The following LRFN2 variants were observed in gnomAD, a reference collection of about 807,000 sequenced individuals.
LRFN2 encodes leucine rich repeat and fibronectin type III domain containing 2.
In LRFN2, 18 loss-of-function variants were observed where a neutral mutation model predicts 37.3. The observed-to-expected ratio is 0.48, with a 90% CI of 0.33 to 0.72. The LOEUF is 0.72. LRFN2 is among the 30% of genes least tolerant of loss of function. The pLI is 0.02. For missense variants in LRFN2, 1,006 were observed against 1,060.7 expected (o/e 0.95, Z 0.72); for synonymous variants, 556 against 466.6 (o/e 1.19, Z -2.47).
intron 1 of LRFN2, among the ~76,000 whole-genome samples, chr6:40,436,493 GT>G (rs11326625): frequency 0.19 from 28,891 of 148,700 alleles, 3,582 homozygotes; most frequent in African/African-American, 0.36. Flanking sequence ...TAGGATATGT[GT>G]TTTTTTTTTT....
intron 1 of LRFN2, among the ~76,000 whole-genome samples, chr6:40,498,144 C>T (rs1334179134): frequency 6.6e-6 from 1 of 152,112 alleles, no homozygotes; most frequent in East Asian, 1.9e-4. Context: ...CACCGAAAGG[C>T]TCTGTCACTG....
intron 1 of LRFN2, among the ~76,000 whole-genome samples, chr6:40,580,934 T>C (rs1767386031): frequency 6.6e-6 from 1 of 152,068 alleles, no homozygotes; most frequent in Non-Finnish European, 1.5e-5. Flanking sequence ...TGTATGTGTG[T>C]ATAAGTATAT....
intron 1 of LRFN2, among the ~76,000 whole-genome samples, chr6:40,511,069 G>T (rs940732688): frequency 1.8e-4 from 27 of 152,130 alleles, no homozygotes; most frequent in African/African-American, 5.3e-4. Context: ...GCCAAAGGGA[G>T]CCTGGGGCAG....
intron 1 of LRFN2, among the ~76,000 whole-genome samples, chr6:40,506,362 G>C (rs1765538070): frequency 1.3e-5 from 2 of 152,172 alleles, no homozygotes; most frequent in South Asian, 2.1e-4. Context: ...GTTCTGACCA[G>C]AATGAATCTG....
chr6:40,543,410 C>A (rs566267027), intron 1 of LRFN2, among the ~76,000 whole-genome samples: 1 of 152,306 alleles, frequency 6.6e-6, no homozygotes, highest in South Asian at 2.1e-4. Flanking sequence ...ACATTCAATT[C>A]CTGGTCTGTG....
At chr6:40,479,528 C>A (rs192708119) in intron 1 of LRFN2, among the ~76,000 whole-genome samples, 32 of 152,364 alleles carry the variant, frequency 2.1e-4, no homozygotes, top group African/African-American at 6.7e-4. Flanking sequence ...TCTAAGATCC[C>A]TTCTGGGTCT....
chr6:40,506,350 G>A (rs1262900245), intron 1 of LRFN2, among the ~76,000 whole-genome samples: 1 of 152,172 alleles, frequency 6.6e-6, no homozygotes, highest in Non-Finnish European at 1.5e-5. Context: ...ACTGAAAGCA[G>A]AGTTCTGACC....
At chr6:40,552,121 C>T (rs952637891) in intron 1 of LRFN2, among the ~76,000 whole-genome samples, 9 of 152,196 alleles carry the variant, frequency 5.9e-5, no homozygotes, top group African/African-American at 2.2e-4. Context: ...GTGTGGTCTT[C>T]AATCTGCAGC....
chr6:40,560,796 T>C (rs974761702), intron 1 of LRFN2, among the ~76,000 whole-genome samples: 1 of 152,212 alleles, frequency 6.6e-6, no homozygotes, highest in African/African-American at 2.4e-5. Context: ...ATACAAGTGT[T>C]GGTTATTTGT....
intron 1 of LRFN2, among the ~76,000 whole-genome samples, chr6:40,475,652 C>A (rs991898338): frequency 3.3e-5 from 5 of 152,158 alleles, no homozygotes; most frequent in African/African-American, 1.2e-4. Context: ...AAACTAAGCT[C>A]TTCTCACAGC....
intron 1 of LRFN2, among the ~76,000 whole-genome samples, chr6:40,447,396 T>C (rs2113839178): frequency 6.6e-6 from 1 of 152,262 alleles, no homozygotes; most frequent in South Asian, 2.1e-4. Flanking sequence ...CTCTCTTCTT[T>C]CCCCAAATTT....
At chr6:40,456,106 G>A (rs903819294) in intron 1 of LRFN2, among the ~76,000 whole-genome samples, 1 of 152,126 alleles carries the variant, frequency 6.6e-6, no homozygotes, top group Non-Finnish European at 1.5e-5. Context: ...CAACTTCAAG[G>A]AACTGAATTC....
At chr6:40,502,781 C>T (rs1327431218) in intron 1 of LRFN2, among the ~76,000 whole-genome samples, 1 of 152,202 alleles carries the variant, frequency 6.6e-6, no homozygotes, top group Admixed American at 6.5e-5. Context: ...CAGTGGGGCC[C>T]AGACAGACAT....
At chr6:40,537,413 A>C (rs1352035593) in intron 1 of LRFN2, among the ~76,000 whole-genome samples, 2 of 152,318 alleles carry the variant, frequency 1.3e-5, no homozygotes, top group East Asian at 3.9e-4. Flanking sequence ...CCCACCAGTC[A>C]CAACCAACCA....
chr6:40,572,851 T>C (rs1767211455), intron 1 of LRFN2, among the ~76,000 whole-genome samples: 2 of 152,178 alleles, frequency 1.3e-5, no homozygotes, highest in African/African-American at 2.4e-5. Flanking sequence ...CAGGTGGGCA[T>C]GTTCATTCTG....
intron 2 of LRFN2, among the ~76,000 whole-genome samples, chr6:40,409,388 T>C (rs1308920820): frequency 6.6e-6 from 1 of 152,198 alleles, no homozygotes; most frequent in Non-Finnish European, 1.5e-5. Flanking sequence ...ACTTGCAAAA[T>C]GGGTTCGTAA....
intron 1 of LRFN2, among the ~76,000 whole-genome samples, chr6:40,498,359 A>G (rs1765285393): frequency 6.6e-6 from 1 of 152,194 alleles, no homozygotes; most frequent in African/African-American, 2.4e-5. Flanking sequence ...ATTAACACCC[A>G]GATTCAGACA....
intron 1 of LRFN2, among the ~76,000 whole-genome samples, chr6:40,561,301 G>A (rs996307805): frequency 6.6e-5 from 10 of 152,172 alleles, no homozygotes; most frequent in Non-Finnish European, 1.2e-4. Context: ...GCCCTCACAT[G>A]GAAGGTCAGG....
intron 1 of LRFN2, among the ~76,000 whole-genome samples, chr6:40,509,823 A>T (rs1267851201): frequency 6.9e-6 from 1 of 145,460 alleles, no homozygotes. Context: ...GGGAATACTG[A>T]GCTGCGCAGG....
Sources: gnomAD v4.1 joint callset for allele counts (sites outside exome capture counted in the v4.1 genomes callset) on GRCh38, gnomAD v4.1.1 for gene constraint, MANE v1.5 for transcripts, NCBI Gene and HGNC (gene_info 2026-07-23, HGNC 2026-07-21) for gene names.